ZFPM2: variants seen among roughly 807,000 people sequenced by gnomAD.
ZFPM2 encodes the protein zinc finger protein ZFPM2.
Under a neutral mutation model 98.6 loss-of-function variants are expected in ZFPM2, and 20 were observed. That is an observed-to-expected ratio of 0.20 (90% CI 0.14 to 0.29). The LOEUF is 0.29. Ranked by LOEUF, ZFPM2 falls within the 10% of genes least tolerant of loss-of-function variation. The pLI is 1.00. For missense variants in ZFPM2, 1,310 were observed against 1,388.6 expected (o/e 0.94, Z 0.90); for synonymous variants, 518 against 502.7 (o/e 1.03, Z -0.41).
intron 1 of ZFPM2, among the ~76,000 whole-genome samples, chr8:105,355,790 T>G (rs1266895652): frequency 6.6e-6 from 1 of 152,214 alleles, no homozygotes; most frequent in Admixed American, 6.5e-5. Flanking sequence ...TAAAAAAAAC[T>G]ACAGTGTGTG....
intron 5 of ZFPM2, among the ~76,000 whole-genome samples, chr8:105,750,670 T>C (rs925054767): frequency 6.6e-6 from 1 of 152,046 alleles, no homozygotes; most frequent in Non-Finnish European, 1.5e-5. Context: ...TTACTACACT[T>C]TGAACTGTTT....
At chr8:105,435,439 A>G (rs16873054) in intron 2 of ZFPM2, among the ~76,000 whole-genome samples, 49,940 of 151,994 alleles carry the variant, frequency 0.33, 9,951 homozygotes, top group African/African-American at 0.56. Context: ...TATGAATAAA[A>G]AATTTAGAAA....
At chr8:105,737,924 T>G (rs1477232968) in intron 5 of ZFPM2, among the ~76,000 whole-genome samples, 2 of 151,992 alleles carry the variant, frequency 1.3e-5, no homozygotes, top group Non-Finnish European at 2.9e-5. Flanking sequence ...TACAATAGTA[T>G]TTTTTGTATA....
chr8:105,648,771 G>A (rs1817107368), intron 5 of ZFPM2, among the ~76,000 whole-genome samples: 2 of 152,128 alleles, frequency 1.3e-5, no homozygotes, highest in Admixed American at 1.3e-4. Context: ...TGCTGTTTTG[G>A]TTTCTGTAGC....
Position 105,616,170 on chromosome 8 carries a change from C to T in ZFPM2, c.421-18076C>T, listed in dbSNP as rs555822069. 7.2e-5 allele frequency among the ~76,000 whole-genome samples: 11 copies of T among 151,898 alleles called. No individual in the cohort carries two copies. The South Asian group carries it at 8.3e-4, about 11-fold the overall frequency. ...ACTCAATGACCAAAGCCTTTTCAAA[C>T]GAATTCCCAAATGCCCTACAAGCAA... is the stretch of plus-strand genomic sequence containing the variant. On this transcript the variant is annotated intron_variant, in intron 4 of 7. Coordinates refer to ENST00000407775, the MANE Select transcript of ZFPM2 (RefSeq NM_012082.4).
chr8:105,770,258 A>G (rs141076668), intron 5 of ZFPM2, among the ~76,000 whole-genome samples: 419 of 152,172 alleles, frequency 2.8e-3, no homozygotes, highest in African/African-American at 9.8e-3. Context: ...TAGTTCTCCT[A>G]TGATGTGGAG....
intron 5 of ZFPM2, among the ~76,000 whole-genome samples, chr8:105,651,829 G>A (rs1478812600): frequency 1.3e-5 from 2 of 152,116 alleles, no homozygotes; most frequent in East Asian, 3.9e-4. Flanking sequence ...ACCTGATTGA[G>A]TTTCAGAAAT....
chr8:105,505,780 G>A (rs1159671770), intron 3 of ZFPM2, among the ~76,000 whole-genome samples: 1 of 151,892 alleles, frequency 6.6e-6, no homozygotes, highest in Non-Finnish European at 1.5e-5. Context: ...ATACACAAAA[G>A]GCAATAAAAT....
intron 5 of ZFPM2, among the ~76,000 whole-genome samples, chr8:105,764,816 A>G (rs1812822336): frequency 1.3e-5 from 2 of 151,778 alleles, no homozygotes; most frequent in Non-Finnish European, 2.9e-5. Flanking sequence ...TGTCATTTTC[A>G]TTTAGAAGAA....
chr8:105,349,348 G>A (rs1401233708), intron 1 of ZFPM2, among the ~76,000 whole-genome samples: 1 of 152,152 alleles, frequency 6.6e-6, no homozygotes, highest in Non-Finnish European at 1.5e-5. Flanking sequence ...TCAGTTCTGA[G>A]GGCCCGAGTA....
intron 2 of ZFPM2, among the ~76,000 whole-genome samples, chr8:105,434,747 A>G (rs925921667): frequency 1.3e-5 from 2 of 152,204 alleles, no homozygotes; most frequent in African/African-American, 4.8e-5. Flanking sequence ...ACTCCTAGTC[A>G]AGAAAGTTCA....
chr8:105,439,045 A>C (rs1221774997), intron 2 of ZFPM2, among the ~76,000 whole-genome samples: 1 of 151,834 alleles, frequency 6.6e-6, no homozygotes, highest in African/African-American at 2.4e-5. Flanking sequence ...CATATTTCTC[A>C]TTGTATTTTC....
intron 4 of ZFPM2, among the ~76,000 whole-genome samples, chr8:105,627,272 A>G (rs768313714): frequency 1.1e-4 from 17 of 152,112 alleles, no homozygotes; most frequent in Non-Finnish European, 2.5e-4. Context: ...AATTATTCCT[A>G]AGAAATGACA....
intron 5 of ZFPM2, among the ~76,000 whole-genome samples, chr8:105,684,144 G>T (rs1810679770): frequency 1.3e-5 from 2 of 152,124 alleles, no homozygotes; most frequent in Admixed American, 1.3e-4. Flanking sequence ...CCTGAATAGG[G>T]ATGTGGCAGG....
intron 3 of ZFPM2, among the ~76,000 whole-genome samples, chr8:105,518,961 C>T (rs954255357): frequency 1.3e-5 from 2 of 152,114 alleles, no homozygotes; most frequent in African/African-American, 2.4e-5. Flanking sequence ...TTAAGGGGAA[C>T]TTTGCTTTAG....
chr8:105,545,242 AT>A (rs1356669706), intron 3 of ZFPM2, among the ~76,000 whole-genome samples: 1 of 152,122 alleles, frequency 6.6e-6, no homozygotes, highest in African/African-American at 2.4e-5. Context: ...AACACTGCCA[AT>A]TTTCCCATCA....
intron 1 of ZFPM2, among the ~76,000 whole-genome samples, chr8:105,417,493 A>C (rs746711300): frequency 1.3e-5 from 2 of 152,080 alleles, no homozygotes; most frequent in Non-Finnish European, 2.9e-5. Flanking sequence ...TTATAATTAC[A>C]TTTGTTGAAA....
intron 3 of ZFPM2, among the ~76,000 whole-genome samples, chr8:105,513,642 T>A (rs1813859562): frequency 6.6e-6 from 1 of 152,236 alleles, no homozygotes; most frequent in South Asian, 2.1e-4. Flanking sequence ...AAGTGTACAT[T>A]TGCATTTTTC....
At chr8:105,770,401 C>T (rs1586250993) in intron 5 of ZFPM2, among the ~76,000 whole-genome samples, 1 of 152,082 alleles carries the variant, frequency 6.6e-6, no homozygotes, top group Non-Finnish European at 1.5e-5. Flanking sequence ...AGGTTTTTAT[C>T]TCACGAAAGT....
Sources: gnomAD v4.1 joint callset for allele counts (sites outside exome capture counted in the v4.1 genomes callset) on GRCh38, gnomAD v4.1.1 for gene constraint, MANE v1.5 for transcripts, NCBI Gene and HGNC (gene_info 2026-07-23, HGNC 2026-07-21) for gene names.